Variants in PIGK observed in about 807,000 individuals in gnomAD.
The protein encoded by PIGK is GPI-anchor transamidase.
Under a neutral mutation model 50.6 loss-of-function variants are expected in PIGK, and 42 were observed. The ratio of observed to expected loss-of-function variants is 0.83; its 90% CI spans 0.65 to 1.07. PIGK has a LOEUF of 1.07. Among genes scored for constraint, PIGK ranks in the 50% least tolerant of loss-of-function variants. The probability of loss-of-function intolerance (pLI) is 0.00; values close to 1 mark genes in which losing one functional copy is unlikely to be tolerated. For synonymous variants in PIGK, 151 were observed against 156.0 expected (o/e 0.97, Z 0.24); for missense variants, 448 against 488.7 (o/e 0.92, Z 0.78).
intron 3 of PIGK, among the ~76,000 whole-genome samples, chr1:77,191,263 T>A (rs927085173): frequency 6.6e-6 from 1 of 152,226 alleles, no homozygotes; most frequent in African/African-American, 2.4e-5. Context: ...TAGGACAAAA[T>A]TTTTTAAAAT....
chr1:77,111,491 G>A (rs527937250), intron 10 of PIGK, among the ~76,000 whole-genome samples: 22 of 151,944 alleles, frequency 1.4e-4, no homozygotes, highest in African/African-American at 4.6e-4. Context: ...ATCATTCTCA[G>A]CAAACTATCG....
At position 77,143,919 on chromosome 1, in the gene PIGK, A is replaced by C. The variant is rs1393470; in HGVS notation, c.986+10530T>G. ...GTTCTCTCAATAATACTTAACACTT[A>C]CTGAGTGCTTCACTATATTTGAGGC... is the stretch of plus-strand genomic sequence containing the variant. On this transcript the variant is annotated intron_variant, in intron 9 of 10. Coordinates refer to ENST00000370812, the MANE Select transcript of PIGK (RefSeq NM_005482.3). Among the ~76,000 whole-genome samples, 883 of 152,192 alleles carry C rather than the reference A, an allele frequency of 5.8e-3. 7 individuals carry two copies. Among genetic ancestry groups the C allele is most frequent in the African/African-American group, 0.02 (838 of 41,568 alleles).
chr1:77,176,655 A>C (rs1655496541), intron 3 of PIGK, among the ~76,000 whole-genome samples: 1 of 152,178 alleles, frequency 6.6e-6, no homozygotes, highest in Admixed American at 6.5e-5. Flanking sequence ...GGATGGAAAG[A>C]ACCTGAAAAG....
intron 3 of PIGK, among the ~76,000 whole-genome samples, chr1:77,180,121 A>C (rs1036882110): frequency 6.6e-6 from 1 of 152,168 alleles, no homozygotes. Context: ...AAATTCCCAA[A>C]ATATCCCCAA....
chr1:77,205,464 A>C (rs1656267846), intron 3 of PIGK, among the ~76,000 whole-genome samples: 1 of 151,628 alleles, frequency 6.6e-6, no homozygotes, highest in Non-Finnish European at 1.5e-5. Flanking sequence ...ATTCACAAAG[A>C]CTGTAATATA....
chr1:77,161,504 G>T, intron 7 of PIGK, 90 bp downstream of exon 7: 1 of 946,286 alleles, frequency 1.1e-6, no homozygotes, highest in Admixed American at 1.7e-5. Flanking sequence ...GTCTAAGAAA[G>T]AACAGATACA....
chr1:77,139,538 C>T lies in PIGK; in HGVS notation c.986+14911G>A, dbSNP rs115189066. ...TCCTTGCAAAAGGAGACAGTCTGAGCTTGCTGCCAACTGCTCAGGGAAGCT... is the reference window on the plus strand; with the variant it reads ...TCCTTGCAAAAGGAGACAGTCTGAGTTTGCTGCCAACTGCTCAGGGAAGCT... On this transcript the variant is annotated intron_variant, in intron 9 of 10. Coordinates refer to ENST00000370812, the MANE Select transcript of PIGK (RefSeq NM_005482.3). Among the ~76,000 whole-genome samples, 403 of 152,268 alleles carry T rather than the reference C, an allele frequency of 2.6e-3. 3 individuals are homozygous for T. The highest frequency in any genetic ancestry group is 9.2e-3 in the African/African-American group (383 of 41,552).
intron 3 of PIGK, among the ~76,000 whole-genome samples, chr1:77,177,278 T>A (rs1418313163): frequency 6.6e-6 from 1 of 152,180 alleles, no homozygotes; most frequent in East Asian, 1.9e-4. Context: ...AAACTGGCCA[T>A]AAACAAAATC....
intron 10 of PIGK, among the ~76,000 whole-genome samples, chr1:77,102,492 C>T (rs1216425937): frequency 6.6e-6 from 1 of 152,128 alleles, no homozygotes; most frequent in Non-Finnish European, 1.5e-5. Flanking sequence ...TAAGAAGGGA[C>T]TCCGGCTGAC....
At chr1:77,206,977 G>A (rs1656302372) in intron 2 of PIGK, among the ~76,000 whole-genome samples, 1 of 152,108 alleles carries the variant, frequency 6.6e-6, no homozygotes, top group South Asian at 2.1e-4. Context: ...GACCAGCCTG[G>A]CCAACATGGC....
chr1:77,172,389 G>C (rs1214863578), intron 3 of PIGK, among the ~76,000 whole-genome samples: 1 of 152,028 alleles, frequency 6.6e-6, no homozygotes, highest in Non-Finnish European at 1.5e-5. Flanking sequence ...ACCTCACTTC[G>C]CTTTTTTTGT....
chr1:77,125,093 T>C (rs929945704), intron 9 of PIGK, among the ~76,000 whole-genome samples: 4 of 152,206 alleles, frequency 2.6e-5, no homozygotes, highest in Admixed American at 2.6e-4. Context: ...TCCAAAAATC[T>C]AAAACAAGAT....
intron 3 of PIGK, among the ~76,000 whole-genome samples, chr1:77,172,028 G>T (rs1655374104): frequency 2.0e-5 from 3 of 150,586 alleles, no homozygotes; most frequent in Admixed American, 1.3e-4. Context: ...AATGCCTGCT[G>T]CTGTGTTTAA....
chr1:77,169,203 T>C, intron 4 of PIGK, 57 bp downstream of exon 4: 1 of 1,158,390 alleles, frequency 8.6e-7, no homozygotes. Context: ...TGCCATTGTT[T>C]TAGAGCCTAA....
At chr1:77,197,541 C>T (rs1379193552) in intron 3 of PIGK, among the ~76,000 whole-genome samples, 2 of 152,270 alleles carry the variant, frequency 1.3e-5, no homozygotes, top group Non-Finnish European at 2.9e-5. Context: ...CAGTGAGAAA[C>T]AAGGGAAGTA....
Position 77,200,220 on chromosome 1 carries a change from A to G in PIGK, c.239+6420T>C, listed in dbSNP as rs1353962825. Among the ~76,000 whole-genome samples, 4 of 152,252 alleles carry G rather than the reference A, an allele frequency of 2.6e-5. No individual in the cohort carries two copies. In the South Asian group the frequency reaches 8.3e-4, roughly 32 times the overall value. On this transcript the variant is annotated intron_variant, in intron 3 of 10. Coordinates refer to ENST00000370812, the MANE Select transcript of PIGK (RefSeq NM_005482.3). ...TAGAAGCAGGGAATAAACAGCTACAAAAGGGTTGAAGTACAGAAGCACGTA... is the reference window on the plus strand; with the variant it reads ...TAGAAGCAGGGAATAAACAGCTACAGAAGGGTTGAAGTACAGAAGCACGTA...
intron 8 of PIGK, among the ~76,000 whole-genome samples, chr1:77,157,103 T>A (rs1458103747): frequency 2.0e-5 from 3 of 152,224 alleles, no homozygotes; most frequent in Non-Finnish European, 4.4e-5. Flanking sequence ...TTTAAGGGGC[T>A]AACACCAGGT....
chr1:77,203,235 T>C (rs1393017560), intron 3 of PIGK, among the ~76,000 whole-genome samples: 1 of 152,226 alleles, frequency 6.6e-6, no homozygotes, highest in African/African-American at 2.4e-5. Flanking sequence ...CTTCACATAC[T>C]AACCTTAGAA....
intron 10 of PIGK, among the ~76,000 whole-genome samples, chr1:77,103,803 CCTGCGTTT>C (rs1051758678): frequency 1.2e-4 from 19 of 152,258 alleles, no homozygotes; most frequent in African/African-American, 4.6e-4. Flanking sequence ...GAGGAATCTA[CCTGCGTTT>C]TTGGCAGAGT....
Sources: allele counts gnomAD v4.1 joint callset (sites outside exome capture counted in the v4.1 genomes callset), GRCh38; gene constraint gnomAD v4.1.1; transcripts MANE v1.5; gene names NCBI Gene and HGNC (gene_info 2026-07-23, HGNC 2026-07-21).